Variants in WDR93 observed in about 807,000 individuals in gnomAD.
WDR93 encodes WD repeat-containing protein 93.
In WDR93, 73 loss-of-function variants were observed where a neutral mutation model predicts 82.9. The observed-to-expected ratio is 0.88, with a 90% CI of 0.73 to 1.07. The LOEUF (loss-of-function observed/expected upper bound fraction) is 1.07, where lower values mean the gene tolerates loss of function less well. Among genes scored for constraint, WDR93 ranks in the 50% least tolerant of loss-of-function variants. The pLI is 0.00. For synonymous variants in WDR93, 283 were observed against 300.1 expected (o/e 0.94, Z 0.59); for missense variants, 738 against 826.0 (o/e 0.89, Z 1.31).
intron 4 of WDR93, among the ~76,000 whole-genome samples, chr15:89,708,015 T>TA: frequency 6.6e-6 from 1 of 152,338 alleles, no homozygotes; most frequent in South Asian, 2.1e-4. Flanking sequence ...AATAATTATG[T>TA]TAAGTGAAAG....
At chr15:89,739,578 T>C (rs1472998115) in intron 16 of WDR93, among the ~76,000 whole-genome samples, 6 of 152,168 alleles carry the variant, frequency 3.9e-5, no homozygotes. Context: ...CATCTCACAA[T>C]AAATTTCTGG....
At chr15:89,724,172 C>CTA (rs1966637275) in intron 8 of WDR93, among the ~76,000 whole-genome samples, 1 of 118,672 alleles carries the variant, frequency 8.4e-6, no homozygotes, top group Admixed American at 7.7e-5. Context: ...AACCCCATCT[C>CTA]CACAAAAAAA....
rs945614164 is a variant in WDR93, at chr15:89,712,731, C to T, written c.640+627C>T. Reference sequence around the variant, plus strand: ...AACCTTGATCACTTCAAGTGGTGTCCGCCAGGTTTCTCCACTGTAGAGCTA... The same window carrying T: ...AACCTTGATCACTTCAAGTGGTGTCTGCCAGGTTTCTCCACTGTAGAGCTA... On this transcript the variant is annotated intron_variant, in intron 5 of 16. Transcript: ENST00000268130. Among the ~76,000 whole-genome samples, 7 of 152,192 alleles carry T rather than the reference C, an allele frequency of 4.6e-5. 1 individual carries two copies. The highest frequency in any genetic ancestry group is 2.1e-4 in the South Asian group (1 of 4,822).
At chr15:89,717,352 A>G (rs1966312514) in intron 7 of WDR93, among the ~76,000 whole-genome samples, 1 of 152,064 alleles carries the variant, frequency 6.6e-6, no homozygotes, top group Admixed American at 6.6e-5. Flanking sequence ...GAGTCACCAC[A>G]CTGGGCCCAA....
At chr15:89,702,802 G>C in intron 2 of WDR93, 148 bp from the exon 3 acceptor site, 1 of 876,268 alleles carries the variant, frequency 1.1e-6, no homozygotes, top group Non-Finnish European at 1.7e-6. Flanking sequence ...GCCTCCCAAA[G>C]TGCTGGGATT....
chr15:89,728,030 G>A (rs944671500), intron 9 of WDR93, among the ~76,000 whole-genome samples: 9 of 151,794 alleles, frequency 5.9e-5, no homozygotes, highest in Non-Finnish European at 1.2e-4. Flanking sequence ...GCAGTGAGGC[G>A]AGATCACGCC....
chr15:89,704,375 C>A (rs1965630404), intron 3 of WDR93: 1 of 151,950 alleles, frequency 6.6e-6, no homozygotes, highest in Non-Finnish European at 1.5e-5. Flanking sequence ...AAGATGTTAA[C>A]ATTAGGGGAA....
intron 13 of WDR93, 57 bp downstream of exon 13, chr15:89,733,276 A>G: frequency 6.6e-7 from 1 of 1,524,590 alleles, no homozygotes; most frequent in Non-Finnish European, 9.0e-7. Flanking sequence ...TTTAATTGCT[A>G]TTTGATAGTA....
intron 16 of WDR93, among the ~76,000 whole-genome samples, chr15:89,740,926 G>GTA (rs1320708087): frequency 6.6e-6 from 1 of 152,048 alleles, no homozygotes; most frequent in Non-Finnish European, 1.5e-5. Flanking sequence ...GATCACCTAA[G>GTA]GCCAGGCGTT....
Position 89,737,731 on chromosome 15 carries a change from T to C in WDR93, c.1765+2T>C, listed in dbSNP as rs748103907. ...ACCATCCATGTTTCCTGCTCCGAGG[T>C]ACAGAAAGGGACCAGGGCTGATGCC... On this transcript the variant is annotated splice_donor_variant, in intron 15 of 16. Transcript: ENST00000268130. LOFTEE classifies it high-confidence loss of function. 3.1e-6 allele frequency: 5 copies of C among 1,613,990 alleles called. No homozygotes were observed. In the African/African-American group the frequency reaches 6.7e-5, roughly 22 times the overall value.
chr15:89,692,468 T>C lies in WDR93; in HGVS notation c.-41+1611T>C, dbSNP rs78756015. On this transcript the variant is annotated intron_variant, in intron 1 of 16. Transcript: ENST00000268130. ...ATGAGAATTTATTGAGTCCTGGCCA[T>C]ATACCAACCACTGTGCTAAACTCTA... Among the ~76,000 whole-genome samples the C allele has an allele frequency of 6.7e-3, 1,019 of 152,300 alleles. 9 individuals are homozygous for C. Among genetic ancestry groups the C allele is most frequent in the African/African-American group, 0.024 (978 of 41,556 alleles).
In WDR93 at chr15:89,711,979, C is replaced by G. The variant is rs550788111; in HGVS notation, c.562-47C>G. 1.7e-4 allele frequency: 254 copies of G among 1,486,282 alleles called. 2 individuals carry two copies. In the South Asian group the frequency reaches 2.8e-3, roughly 16 times the overall value. The allele number at this position is 1,486,282 out of a possible 1,614,324, so 92.1% of individuals were successfully genotyped here. ...CACAGAAGGTCCTGAAATACATTCT[C>G]TGTCAGCAGGCTATGCCTACTCTAT... On this transcript the variant is annotated intron_variant, in intron 4 of 16. Coordinates refer to ENST00000268130, the MANE Select transcript of WDR93 (RefSeq NM_020212.2).
At chr15:89,731,665 G>A in intron 12 of WDR93, 103 bp downstream of exon 12, 2 of 1,516,716 alleles carry the variant, frequency 1.3e-6, no homozygotes, top group Non-Finnish European at 1.8e-6. Flanking sequence ...TGTTACCTCT[G>A]TGTTCTTAAA....
intron 5 of WDR93, among the ~76,000 whole-genome samples, chr15:89,713,772 G>C (rs12915843): frequency 0.42 from 63,795 of 152,008 alleles, 13,900 homozygotes; most frequent in African/African-American, 0.48. Context: ...CACGCCTGGC[G>C]AAGGATATGC....
At chr15:89,697,903 G>A (rs781425515) in intron 1 of WDR93, among the ~76,000 whole-genome samples, 24 of 143,740 alleles carry the variant, frequency 1.7e-4, no homozygotes, top group South Asian at 1.1e-3. Context: ...TTTTTGAGAC[G>A]GAGTCTCTCT....
intron 8 of WDR93, among the ~76,000 whole-genome samples, chr15:89,722,978 G>A (rs1966586839): frequency 6.6e-6 from 1 of 152,130 alleles, no homozygotes; most frequent in African/African-American, 2.4e-5. Context: ...GCCAAGGTGG[G>A]CAGATTGCTT....
chr15:89,741,758 A>T, intron 16 of WDR93, among the ~76,000 whole-genome samples: 1 of 150,610 alleles, frequency 6.6e-6, no homozygotes, highest in Admixed American at 6.6e-5. Context: ...TATCTCCAAT[A>T]CTTTTTTTTT....
At chr15:89,701,606 A>T (rs1965467231) in intron 1 of WDR93, 101 bp from the exon 2 acceptor site, 1 of 996,036 alleles carries the variant, frequency 1.0e-6, no homozygotes, top group African/African-American at 1.6e-5. Flanking sequence ...CAGTCTGTGG[A>T]ATAAGCAGTC....
intron 13 of WDR93, among the ~76,000 whole-genome samples, chr15:89,733,993 A>ATGTGTG (rs527967695): frequency 3.4e-5 from 5 of 149,206 alleles, no homozygotes; most frequent in South Asian, 2.1e-4. Flanking sequence ...AACCTGTATA[A>ATGTGTG]TGTGTGTGTG....
Sources: gnomAD v4.1 joint callset for allele counts (sites outside exome capture counted in the v4.1 genomes callset) on GRCh38, gnomAD v4.1.1 for gene constraint, MANE v1.5 for transcripts, NCBI Gene and HGNC (gene_info 2026-07-23, HGNC 2026-07-21) for gene names.